Variants in TTLL7 observed in about 807,000 individuals in gnomAD.
TTLL7 encodes tubulin tyrosine ligase like 7.
In TTLL7, 53 loss-of-function variants were observed where a neutral mutation model predicts 120.2. That is an observed-to-expected ratio of 0.44 (90% CI 0.35 to 0.55). TTLL7 has a LOEUF of 0.55. Ranked by LOEUF, TTLL7 falls within the 20% of genes least tolerant of loss-of-function variation. TTLL7 has a pLI of 0.00. For missense variants in TTLL7, 803 were observed against 1,054.7 expected, an observed-to-expected ratio of 0.76 and a Z score of 3.31; for synonymous variants, 353 against 351.7, an observed-to-expected ratio of 1.00 and a Z score of -0.04.
chr1:83,931,716 A>G (rs1659614164), intron 9 of TTLL7, among the ~76,000 whole-genome samples: 2 of 152,160 alleles, frequency 1.3e-5, no homozygotes, highest in African/African-American at 4.8e-5. Flanking sequence ...ATACTCCACC[A>G]AAGTTCCATG....
intron 1 of TTLL7, among the ~76,000 whole-genome samples, chr1:83,990,397 G>A (rs1038828172): frequency 2.0e-5 from 3 of 151,966 alleles, no homozygotes; most frequent in Non-Finnish European, 4.4e-5. Flanking sequence ...GGATGGTCTC[G>A]ATCTCCTGAC....
chr1:83,878,581 T>C (rs1249816025), intron 20 of TTLL7, among the ~76,000 whole-genome samples: 1 of 151,960 alleles, frequency 6.6e-6, no homozygotes, highest in Non-Finnish European at 1.5e-5. Context: ...TAACAGGTAC[T>C]GGGTTAGCAA....
intron 18 of TTLL7, among the ~76,000 whole-genome samples, chr1:83,897,894 G>C (rs1263211132): frequency 7.2e-6 from 1 of 139,838 alleles, no homozygotes; most frequent in Non-Finnish European, 1.6e-5. Context: ...AACTTTCACT[G>C]TTAATTCCAC....
At chr1:83,887,595 A>G (rs772974653) in intron 19 of TTLL7, among the ~76,000 whole-genome samples, 1 of 152,052 alleles carries the variant, frequency 6.6e-6, no homozygotes, top group Non-Finnish European at 1.5e-5. Flanking sequence ...ATCGGTCTCA[A>G]AACTACTCCT....
intron 18 of TTLL7, among the ~76,000 whole-genome samples, chr1:83,895,516 G>A (rs185493008): frequency 7.2e-5 from 11 of 152,196 alleles, no homozygotes; most frequent in Non-Finnish European, 1.5e-4. Flanking sequence ...GGAAAAAAAT[G>A]TAAATATTCA....
chr1:83,944,505 G>A (rs534878782), intron 6 of TTLL7, among the ~76,000 whole-genome samples: 24 of 136,852 alleles, frequency 1.8e-4, no homozygotes, highest in Non-Finnish European at 3.4e-4. Context: ...TCAGGAGTTC[G>A]AGATCAGCCT....
chr1:83,867,034 C>T lies in TTLL7; in HGVS notation c.*2928G>A, dbSNP rs1652962941. 6.6e-6 allele frequency: 1 copy of T among 151,886 alleles called. No homozygotes were observed. Among genetic ancestry groups the T allele is most frequent in the African/African-American group, 2.4e-5 (1 of 41,392 alleles). 9.4% of individuals were successfully genotyped at this position (151,886 alleles called of 1,614,324 possible). ...CTATAGCAGAATGAAAATATGCTTT[C>T]ATTGTAAGTAAACCCAGTTCCCCTA... On this transcript the variant is annotated 3_prime_UTR_variant, in exon 21 of 21. Coordinates refer to ENST00000260505, the MANE Select transcript of TTLL7 (RefSeq NM_024686.6).
chr1:83,911,573 G>A (rs549226377), intron 14 of TTLL7, among the ~76,000 whole-genome samples: 6 of 152,082 alleles, frequency 3.9e-5, no homozygotes, highest in African/African-American at 1.4e-4. Context: ...AAATGATATA[G>A]TCATGATGAG....
intron 14 of TTLL7, chr1:83,912,552 A>C (rs1356200017): frequency 6.6e-6 from 1 of 152,168 alleles, no homozygotes; most frequent in Non-Finnish European, 1.5e-5. Flanking sequence ...ACTATAATGA[A>C]ATCCTTGGAT....
At chr1:83,942,349 C>G in intron 7 of TTLL7, 114 bp downstream of exon 7, 1 of 812,506 alleles carries the variant, frequency 1.2e-6, no homozygotes, top group Non-Finnish European at 1.9e-6. Context: ...TTCCAGACCA[C>G]AAAAACCTGA....
intron 18 of TTLL7, among the ~76,000 whole-genome samples, chr1:83,901,562 A>T (rs1262720348): frequency 6.6e-6 from 1 of 151,972 alleles, no homozygotes; most frequent in Non-Finnish European, 1.5e-5. Flanking sequence ...CAGGGTTCCA[A>T]TTCTAATAAA....
At chr1:83,892,540 G>GAACATATGAATGAACATATA (rs752110554) in intron 18 of TTLL7, among the ~76,000 whole-genome samples, 2 of 66,622 alleles carry the variant, frequency 3.0e-5, no homozygotes, top group African/African-American at 1.1e-4. Flanking sequence ...ATGAACATAT[G>GAACATATGAATGAACATATA]AATGAACATA....
chr1:83,923,250 T>C (rs1481814178), intron 10 of TTLL7, among the ~76,000 whole-genome samples: 1 of 151,872 alleles, frequency 6.6e-6, no homozygotes, highest in African/African-American at 2.4e-5. Context: ...TTGTCCATTT[T>C]ATCTAGAATG....
chr1:83,965,695 A>G (rs1650396480), intron 1 of TTLL7, among the ~76,000 whole-genome samples: 1 of 152,256 alleles, frequency 6.6e-6, no homozygotes, highest in East Asian at 1.9e-4. Context: ...GGGAATATAC[A>G]GTGTATACAT....
At chr1:83,913,150 C>T (rs1244970044) in intron 14 of TTLL7, 1 of 152,098 alleles carries the variant, frequency 6.6e-6, no homozygotes, top group African/African-American at 2.4e-5. Context: ...GCAGTCACAG[C>T]AACATAAACT....
At chr1:83,923,632 T>C (rs1237247717) in intron 10 of TTLL7, among the ~76,000 whole-genome samples, 1 of 152,110 alleles carries the variant, frequency 6.6e-6, no homozygotes, top group Non-Finnish European at 1.5e-5. Context: ...GAGACATTGT[T>C]TTGTATAAAG....
In TTLL7 at chr1:83,883,044, T is replaced by C. The variant is rs2100710443; in HGVS notation, c.2462A>G (p.Gln821Arg). Residue 821 changes from glutamine to arginine, a missense_variant, in exon 20 of 21, where the codon CAG (glutamine) becomes CGG (arginine). Physicochemically the swap from Gln to Arg is conservative, Grantham distance 43. Transcript: ENST00000260505. ...ATATTTGTAAACCACTAGCAGGCAC[T>C]GTTTACAAAGCTCCACTAGGCGCTG... ...CCQRLVELCK[Q>R]CLLVVYKYAT... 6.2e-7 allele frequency: 1 copy of C among 1,612,792 alleles called. No homozygotes were observed. Among genetic ancestry groups the C allele is most frequent in the Admixed American group, 1.7e-5 (1 of 59,856 alleles).
chr1:83,960,260 G>A (rs1649896665), intron 1 of TTLL7, among the ~76,000 whole-genome samples: 1 of 152,144 alleles, frequency 6.6e-6, no homozygotes, highest in Non-Finnish European at 1.5e-5. Flanking sequence ...ACTCTAAGAG[G>A]AGTAATATAA....
chr1:83,884,576 G>T (rs888183874), intron 19 of TTLL7, among the ~76,000 whole-genome samples: 1 of 151,746 alleles, frequency 6.6e-6, no homozygotes, highest in African/African-American at 2.4e-5. Flanking sequence ...TTTCTTCAGT[G>T]TTCTGAAATG....
Sources: gnomAD v4.1 joint callset for allele counts (sites outside exome capture counted in the v4.1 genomes callset) on GRCh38, gnomAD v4.1.1 for gene constraint, MANE v1.5 for transcripts, NCBI Gene and HGNC (gene_info 2026-07-23, HGNC 2026-07-21) for gene names.